EIF4ENIF1: variants seen among roughly 807,000 people sequenced by gnomAD.
The protein encoded by EIF4ENIF1 is eukaryotic translation initiation factor 4E transporter.
Under a neutral mutation model 110.5 loss-of-function variants are expected in EIF4ENIF1, and 23 were observed. The observed-to-expected ratio is 0.21, with a 90% CI of 0.15 to 0.29. The LOEUF is 0.29. Among genes scored for constraint, EIF4ENIF1 ranks in the 10% least tolerant of loss-of-function variants. The pLI is 1.00. For synonymous variants in EIF4ENIF1, 440 were observed against 437.0 expected (o/e 1.01, Z -0.09); for missense variants, 1,031 against 1,221.1 (o/e 0.84, Z 2.32).
At chr22:31,478,038 A>G (rs1348446301) in intron 2 of EIF4ENIF1, among the ~76,000 whole-genome samples, 1 of 152,210 alleles carries the variant, frequency 6.6e-6, no homozygotes, top group East Asian at 1.9e-4. Context: ...CCAACTGAGC[A>G]TGTTTCTCAA....
intron 2 of EIF4ENIF1, among the ~76,000 whole-genome samples, chr22:31,478,061 G>A (rs187055811): frequency 7.8e-4 from 118 of 152,204 alleles, no homozygotes; most frequent in Non-Finnish European, 1.1e-3. Flanking sequence ...TATGGCCCAA[G>A]GTCCACGTGG....
Position 31,458,657 on chromosome 22 carries a change from G to C in EIF4ENIF1, c.788-7C>G, listed in dbSNP as rs1200599282. The C allele has an allele frequency of 6.4e-7, 1 of 1,566,590 alleles. No individual in the cohort carries two copies. The highest frequency in any genetic ancestry group is 8.7e-7 in the Non-Finnish European group (1 of 1,152,988). On this transcript the variant is annotated splice_polypyrimidine_tract_variant and splice_region_variant and intron_variant, in intron 6 of 18. Coordinates refer to ENST00000330125, the MANE Select transcript of EIF4ENIF1 (RefSeq NM_019843.4). ...CCATTGCACTCTACTATACCTGAAAGCAAAACCAGGACAAAAACCGTCTGA... is the reference window on the plus strand; with the variant it reads ...CCATTGCACTCTACTATACCTGAAACCAAAACCAGGACAAAAACCGTCTGA...
rs117825120 is a variant in EIF4ENIF1, at chr22:31,485,443, T to C, written c.96+3180A>G. On this transcript the variant is annotated intron_variant, in intron 2 of 18. Coordinates refer to ENST00000330125, the MANE Select transcript of EIF4ENIF1 (RefSeq NM_019843.4). ...TAGAAACATACACAAAGATGAAATA[T>C]ACATGTTAACCTCTGATCGGTGTGT... Among the ~76,000 whole-genome samples, 1,284 of 152,284 alleles carry C rather than the reference T, an allele frequency of 8.4e-3. 6 individuals are homozygous for C. Among genetic ancestry groups the C allele is most frequent in the Non-Finnish European group, 0.013 (903 of 68,020 alleles).
rs150479966 is a variant in EIF4ENIF1 at position 31,451,337 on chromosome 22, G to C, written c.1513-977C>G. ...TCACCAGGCTAGAGTGCAATGGCAC[G>C]ATCTTGGCTCACTGCAACCTCTGCC... On this transcript the variant is annotated intron_variant, in intron 10 of 18. Coordinates refer to ENST00000330125, the MANE Select transcript of EIF4ENIF1 (RefSeq NM_019843.4). 733 of 152,098 alleles carry C rather than the reference G, an allele frequency of 4.8e-3. 5 individuals are homozygous for C. The highest frequency in any genetic ancestry group is 8.3e-3 in the Admixed American group (127 of 15,254). 9.4% of individuals were successfully genotyped at this position (152,098 alleles called of 1,614,324 possible). A position where few individuals can be genotyped will look rare whatever the true frequency, so the allele number is the denominator to read the frequency against.
intron 2 of EIF4ENIF1, among the ~76,000 whole-genome samples, chr22:31,482,616 A>G (rs2051860062): frequency 6.6e-6 from 1 of 151,752 alleles, no homozygotes. Flanking sequence ...TGGGAAGCAG[A>G]GGTTGCAGTG....
intron 2 of EIF4ENIF1, among the ~76,000 whole-genome samples, chr22:31,487,625 A>G (rs932264555): frequency 4.6e-5 from 7 of 152,054 alleles, no homozygotes; most frequent in African/African-American, 1.7e-4. Flanking sequence ...TCCCATCTCT[A>G]TAAAAAATAC....
At chr22:31,456,078 T>C (rs1485821279) in intron 7 of EIF4ENIF1, 91 bp from the exon 8 acceptor site, 10 of 1,334,002 alleles carry the variant, frequency 7.5e-6, no homozygotes, top group Non-Finnish European at 1.0e-5. Flanking sequence ...ACTTTGAAAC[T>C]TCCTTTCATG....
chr22:31,455,797 A>G (rs2050795601), intron 8 of EIF4ENIF1, 55 bp downstream of exon 8: 21 of 1,607,146 alleles, frequency 1.3e-5, no homozygotes, highest in Middle Eastern at 1.7e-4. Context: ...AAAATGAACC[A>G]TATCAGGGAA....
Position 31,450,723 on chromosome 22 carries a change from C to G in EIF4ENIF1, c.1513-363G>C, listed in dbSNP as rs371509660. 6.4e-3 allele frequency: 1,437 copies of G among 223,006 alleles called. 7 individuals are homozygous for G. The highest frequency in any genetic ancestry group is 0.016 in the Admixed American group (263 of 16,398). The allele number at this position is 223,006 out of a possible 1,614,324, so 13.8% of individuals were successfully genotyped here. On this transcript the variant is annotated intron_variant, in intron 10 of 18. Coordinates refer to ENST00000330125, the MANE Select transcript of EIF4ENIF1 (RefSeq NM_019843.4). ...CCTTTAACAAGATTTATTGGAGACA[C>G]ACACACACACACACACACTCATATA...
chr22:31,471,856 T>G lies in EIF4ENIF1; in HGVS notation c.158A>C (p.Glu53Ala). The part of the protein sequence containing the change: ...HSKQRPSCLS[E>A]KYDSDGVWDP... Reference sequence around the variant, plus strand: ...ATGACACACATACCTGTCATATTTTTCAGAAAGGCATGAAGGCCTCTGTTT... The same window carrying G: ...ATGACACACATACCTGTCATATTTTGCAGAAAGGCATGAAGGCCTCTGTTT... Residue 53 changes from glutamate (E) to alanine (A), a missense_variant, in exon 3 of 19, where the codon GAA becomes GCA. By Grantham distance (107) the Glu-to-Ala change is moderately radical (BLOSUM62 -1). Coordinates refer to ENST00000330125, the MANE Select transcript of EIF4ENIF1 (RefSeq NM_019843.4). 6.2e-7 allele frequency: 1 copy of G among 1,604,958 alleles called. No individual in the cohort carries two copies.
intron 2 of EIF4ENIF1, among the ~76,000 whole-genome samples, chr22:31,479,664 T>G (rs2051735071): frequency 6.6e-6 from 1 of 150,722 alleles, no homozygotes; most frequent in African/African-American, 2.4e-5. Context: ...AGAAAGGATG[T>G]GATATTACCC....
chr22:31,453,652 C>T (rs9621261), intron 10 of EIF4ENIF1, among the ~76,000 whole-genome samples: 5,633 of 152,182 alleles, frequency 0.037, 267 homozygotes, highest in African/African-American at 0.094. Flanking sequence ...GGATTACACG[C>T]GTGAGCCACT....
chr22:31,491,138 T>A (rs1330473588), upstream of EIF4ENIF1, among the ~76,000 whole-genome samples: 1 of 152,174 alleles, frequency 6.6e-6, no homozygotes, highest in African/African-American at 2.4e-5. Context: ...GATTCTTAGT[T>A]TTACCTGTGA....
intron 2 of EIF4ENIF1, among the ~76,000 whole-genome samples, chr22:31,475,022 G>C (rs1431111324): frequency 1.3e-5 from 2 of 152,158 alleles, no homozygotes; most frequent in African/African-American, 2.4e-5. Context: ...AGCATACCAT[G>C]AATTCTCTAG....
chr22:31,456,473 T>G (rs1159763858), intron 7 of EIF4ENIF1, among the ~76,000 whole-genome samples: 1 of 152,064 alleles, frequency 6.6e-6, no homozygotes, highest in African/African-American at 2.4e-5. Flanking sequence ...TCCGCCCGCC[T>G]TGGCCTCCCA....
chr22:31,469,441 T>C (rs1181812917), intron 3 of EIF4ENIF1, among the ~76,000 whole-genome samples: 1 of 152,250 alleles, frequency 6.6e-6, no homozygotes, highest in Non-Finnish European at 1.5e-5. Context: ...ACAGTATTTA[T>C]GACATAGCAG....
At chr22:31,481,840 C>T (rs923718178) in intron 2 of EIF4ENIF1, among the ~76,000 whole-genome samples, 7 of 152,106 alleles carry the variant, frequency 4.6e-5, no homozygotes, top group African/African-American at 1.4e-4. Flanking sequence ...CTAATGACTA[C>T]AATAATGCCA....
chr22:31,473,090 G>T (rs2051446599), intron 2 of EIF4ENIF1, among the ~76,000 whole-genome samples: 1 of 147,202 alleles, frequency 6.8e-6, no homozygotes, highest in Non-Finnish European at 1.5e-5. Flanking sequence ...TGACTAGAGA[G>T]TAAATTGCAT....
rs745318192 is a variant in EIF4ENIF1, at chr22:31,485,680, T to C, written c.96+2943A>G. 7.3e-5 allele frequency among the ~76,000 whole-genome samples: 11 copies of C among 151,228 alleles called. 1 individual carries two copies. Among genetic ancestry groups the C allele is most frequent in the Non-Finnish European group, 7.4e-5 (5 of 67,904 alleles). ...TTAGCCAGGCATGGTGGTGCATGCC[T>C]GTAATCCCACCTACTCAGGAGGCTG... On this transcript the variant is annotated intron_variant, in intron 2 of 18. Coordinates refer to ENST00000330125, the MANE Select transcript of EIF4ENIF1 (RefSeq NM_019843.4).
Sources: gnomAD v4.1 joint callset for allele counts (sites outside exome capture counted in the v4.1 genomes callset) on GRCh38, gnomAD v4.1.1 for gene constraint, MANE v1.5 for transcripts, NCBI Gene and HGNC (gene_info 2026-07-23, HGNC 2026-07-21) for gene names.